OSBPL10: variants seen among roughly 807,000 people sequenced by gnomAD.
OSBPL10 encodes oxysterol binding protein like 10, also known as oxysterol-binding protein-related protein 10.
Under a neutral mutation model 81.7 loss-of-function variants are expected in OSBPL10, and 49 were observed. That is an observed-to-expected ratio of 0.60 (90% confidence interval 0.48 to 0.76). OSBPL10 has a LOEUF of 0.76. OSBPL10 is among the 30% of genes least tolerant of loss of function. The pLI is 0.00. For missense variants in OSBPL10, 923 were observed against 987.8 expected (o/e 0.93, Z 0.88); for synonymous variants, 419 against 383.6 (o/e 1.09, Z -1.08).
At chr3:31,801,719 G>C (rs965932982) in intron 4 of OSBPL10, among the ~76,000 whole-genome samples, 3 of 152,170 alleles carry the variant, frequency 2.0e-5, no homozygotes, top group Non-Finnish European at 4.4e-5. Flanking sequence ...GCCTTCAACA[G>C]TATGCTGTGC....
At chr3:31,944,969 A>G (rs1697654505) in intron 1 of OSBPL10, among the ~76,000 whole-genome samples, 1 of 150,984 alleles carries the variant, frequency 6.6e-6, no homozygotes, top group South Asian at 2.1e-4. Context: ...TGGCCAACAT[A>G]GTGAAACCCC....
intron 4 of OSBPL10, among the ~76,000 whole-genome samples, chr3:31,793,080 C>T (rs1046792226): frequency 2.0e-5 from 3 of 152,058 alleles, no homozygotes; most frequent in Non-Finnish European, 4.4e-5. Flanking sequence ...ATTAATTTAG[C>T]CCATTTCCCC....
chr3:31,812,775 AAAG>A (rs1699729069), intron 4 of OSBPL10, among the ~76,000 whole-genome samples: 1 of 52,100 alleles, frequency 1.9e-5, no homozygotes, highest in Admixed American at 2.8e-4. Context: ...AGAAAGAAAG[AAAG>A]AAAGAAAGAA....
At chr3:31,925,353 A>G (rs1186852286) in intron 1 of OSBPL10, among the ~76,000 whole-genome samples, 4 of 151,902 alleles carry the variant, frequency 2.6e-5, no homozygotes, top group African/African-American at 9.7e-5. Context: ...CATCCTCCAC[A>G]TCCCTTCCCA....
At chr3:31,988,424 G>T (rs1165742211) in intron 2 of OSBPL10, among the ~76,000 whole-genome samples, 1 of 152,112 alleles carries the variant, frequency 6.6e-6, no homozygotes. Flanking sequence ...TGTGGCCAGA[G>T]GGTAGACTGT....
At chr3:31,767,336 A>C (rs1046835243) in intron 4 of OSBPL10, among the ~76,000 whole-genome samples, 6 of 152,216 alleles carry the variant, frequency 3.9e-5, no homozygotes, top group African/African-American at 2.4e-5. Context: ...AACCACTTGG[A>C]AAGTACAGGA....
chr3:31,679,909 G>A (rs114671376), intron 8 of OSBPL10, among the ~76,000 whole-genome samples: 1,542 of 152,218 alleles, frequency 0.01, 30 homozygotes, highest in African/African-American at 0.035. Flanking sequence ...TCCCACAGGG[G>A]AGTCCTTGGC....
chr3:32,004,508 T>C (rs1014770266), intron 2 of OSBPL10, among the ~76,000 whole-genome samples: 5 of 152,250 alleles, frequency 3.3e-5, no homozygotes, highest in African/African-American at 1.2e-4. Flanking sequence ...AAACAGTACT[T>C]GCTTTTCAAT....
At chr3:31,726,565 C>T (rs1263783109) in intron 6 of OSBPL10, among the ~76,000 whole-genome samples, 3 of 152,066 alleles carry the variant, frequency 2.0e-5, no homozygotes, top group Non-Finnish European at 4.4e-5. Flanking sequence ...CCGCCTGCCT[C>T]GGCCACCCAA....
intron 4 of OSBPL10, among the ~76,000 whole-genome samples, chr3:31,754,201 T>C (rs1029518321): frequency 2.0e-5 from 3 of 152,136 alleles, no homozygotes; most frequent in Admixed American, 1.3e-4. Context: ...CCTGAGCCCC[T>C]GGGGACACTG....
intron 2 of OSBPL10, among the ~76,000 whole-genome samples, chr3:32,026,057 T>TGATAGATAGATAGATAGATGATAGATA (rs1699406681): frequency 6.1e-4 from 68 of 111,338 alleles, no homozygotes; most frequent in African/African-American, 2.1e-3. Flanking sequence ...GATAGATAGA[T>TGATAGATAGATAGATAGATGATAGATA]GATAGATAGA....
At chr3:31,880,683 C>T (rs2125639727) in intron 1 of OSBPL10, among the ~76,000 whole-genome samples, 1 of 152,284 alleles carries the variant, frequency 6.6e-6, no homozygotes, top group South Asian at 2.1e-4. Context: ...TTTCTCTCTT[C>T]CTTCATAGTC....
chr3:31,795,615 G>C (rs1699187341), intron 4 of OSBPL10: 1 of 197,674 alleles, frequency 5.1e-6, no homozygotes, highest in Admixed American at 5.6e-5. Flanking sequence ...GACAATGTGG[G>C]AAATGTTTTA....
intron 1 of OSBPL10, among the ~76,000 whole-genome samples, chr3:31,968,999 C>A (rs1698480882): frequency 6.6e-6 from 1 of 152,142 alleles, no homozygotes; most frequent in South Asian, 2.1e-4. Context: ...TTCTGTTAAA[C>A]TTTTTAGAGA....
At chr3:31,785,621 C>T (rs1204204405) in intron 4 of OSBPL10, among the ~76,000 whole-genome samples, 1 of 151,996 alleles carries the variant, frequency 6.6e-6, no homozygotes, top group Non-Finnish European at 1.5e-5. Context: ...AACAAACCAC[C>T]GACCTCTCTG....
At chr3:31,976,668 G>A (rs991146667) in intron 1 of OSBPL10, among the ~76,000 whole-genome samples, 4 of 151,982 alleles carry the variant, frequency 2.6e-5, no homozygotes, top group Admixed American at 6.6e-5. Flanking sequence ...TGGTTCCCAC[G>A]CTGGTCTGGA....
chr3:31,874,735 C>T (rs943778266), intron 3 of OSBPL10, among the ~76,000 whole-genome samples: 2 of 152,164 alleles, frequency 1.3e-5, no homozygotes, highest in Admixed American at 6.5e-5. Context: ...GGGAAACAAA[C>T]TCTTACAGAA....
At chr3:31,843,375 G>C (rs1041032441) in intron 3 of OSBPL10, among the ~76,000 whole-genome samples, 1 of 152,136 alleles carries the variant, frequency 6.6e-6, no homozygotes, top group African/African-American at 2.4e-5. Context: ...GTGGGATTTG[G>C]CTTAAATTGC....
chr3:32,010,094 C>T (rs1699239193), intron 2 of OSBPL10, among the ~76,000 whole-genome samples: 1 of 151,376 alleles, frequency 6.6e-6, no homozygotes, highest in Admixed American at 6.6e-5. Context: ...TAAGAAGAGT[C>T]AAAGAGGAAG....
Sources: allele counts gnomAD v4.1 joint callset (sites outside exome capture counted in the v4.1 genomes callset), GRCh38; gene constraint gnomAD v4.1.1; transcripts MANE v1.5; gene names NCBI Gene and HGNC (gene_info 2026-07-23, HGNC 2026-07-21).